Variants in ASF1A observed in about 807,000 individuals in gnomAD.
ASF1A encodes the protein histone chaperone ASF1A.
In ASF1A, 5 loss-of-function variants were observed where a neutral mutation model predicts 22.0. That is an observed-to-expected ratio of 0.23 (90% CI 0.12 to 0.48). The LOEUF is 0.48. Among genes scored for constraint, ASF1A ranks in the 20% least tolerant of loss-of-function variants. ASF1A has a pLI of 0.99. For missense variants in ASF1A, 137 were observed against 240.6 expected (o/e 0.57, Z 2.85); for synonymous variants, 97 against 86.7 (o/e 1.12, Z -0.66).
chr6:118,895,270 G>A (rs1258320321), intron 1 of ASF1A, among the ~76,000 whole-genome samples: 2 of 152,018 alleles, frequency 1.3e-5, no homozygotes, highest in African/African-American at 4.8e-5. Context: ...GCCGGCGCCC[G>A]GGATGCGCCG....
At chr6:118,903,850 G>C (rs975468675) in intron 2 of ASF1A, among the ~76,000 whole-genome samples, 1 of 152,128 alleles carries the variant, frequency 6.6e-6, no homozygotes, top group African/African-American at 2.4e-5. Flanking sequence ...GCCTCCCAAA[G>C]TGCTAGGATT....
At chr6:118,894,637 G>T (rs36193145) in intron 1 of ASF1A, 115 bp downstream of exon 1, 203,911 of 902,806 alleles carry the variant, frequency 0.23, 25,587 homozygotes, top group Non-Finnish European at 0.26. Context: ...GCCGCGGGCT[G>T]CTCTGCGGAG....
chr6:118,898,468 A>G (rs1008958741), intron 1 of ASF1A, among the ~76,000 whole-genome samples: 2 of 146,148 alleles, frequency 1.4e-5, no homozygotes, highest in Non-Finnish European at 3.0e-5. Flanking sequence ...TCCATTGCCC[A>G]GGCTGGAGTG....
At chr6:118,904,488 A>G (rs1378580370) in intron 2 of ASF1A, among the ~76,000 whole-genome samples, 1 of 152,210 alleles carries the variant, frequency 6.6e-6, no homozygotes, top group African/African-American at 2.4e-5. Flanking sequence ...TGGCTGCCTC[A>G]GATGCCTCAG....
intron 1 of ASF1A, among the ~76,000 whole-genome samples, chr6:118,898,652 A>G (rs980101040): frequency 3.3e-5 from 5 of 152,148 alleles, no homozygotes; most frequent in African/African-American, 1.2e-4. Context: ...TCCTGACCTC[A>G]AGCCATCCAG....
At chr6:118,903,552 G>C (rs1458328821) in intron 2 of ASF1A, among the ~76,000 whole-genome samples, 2 of 152,106 alleles carry the variant, frequency 1.3e-5, no homozygotes, top group Non-Finnish European at 2.9e-5. Context: ...TACGTTCTTA[G>C]ATAATTTGTG....
At chr6:118,905,555 C>T in intron 2 of ASF1A, 97 bp from the exon 3 acceptor site, 1 of 919,222 alleles carries the variant, frequency 1.1e-6, no homozygotes, top group Non-Finnish European at 1.6e-6. Flanking sequence ...CTTGTTGCAT[C>T]CTCAACTGAT....
chr6:118,899,911 T>TTTGTA lies in ASF1A; in HGVS notation c.110-852_110-848dup, dbSNP rs1160673340. On this transcript the variant is annotated intron_variant, in intron 1 of 3. Transcript: ENST00000229595. ...AGATGAAGAGGTCTCTCAGAGATGGTTTGTATTACAAAGTTATCTTCTTCC... is the reference window on the plus strand; with the variant it reads ...AGATGAAGAGGTCTCTCAGAGATGGTTTGTATTGTATTACAAAGTTATCTTCTTCC... Among the ~76,000 whole-genome samples, 5 of 152,292 alleles carry TTTGTA rather than the reference T, an allele frequency of 3.3e-5. No homozygotes were observed. In the East Asian group the frequency reaches 9.7e-4, roughly 29 times the overall value.
Position 118,905,677 on chromosome 6 carries a change from T to C in ASF1A, c.251T>C (p.Ile84Thr). 2 of 1,613,122 alleles carry C rather than the reference T, an allele frequency of 1.2e-6. No homozygotes were observed. Among genetic ancestry groups the C allele is most frequent in the Non-Finnish European group, 8.5e-7 (1 of 1,179,444 alleles). The change falls in exon 3 of 4, where the codon ATT (isoleucine) becomes ACT (threonine). Residue 84 changes from isoleucine (I) to threonine (T), a missense_variant. Physicochemically the swap from Ile to Thr is moderately conservative, Grantham distance 89. Transcript: ENST00000229595. ...GCTGATGCACCTAATCCAGGACTCA[T>C]TCCAGATGCAGATGCAGTAGGCGTA... is the stretch of plus-strand genomic sequence containing the variant. ...FQADAPNPGLIPDADAVGVTV... is the reference protein window; with the variant it reads ...FQADAPNPGLTPDADAVGVTV...
At chr6:118,905,949 A>AT in intron 3 of ASF1A, 121 bp downstream of exon 3, 1 of 685,550 alleles carries the variant, frequency 1.5e-6, no homozygotes, top group Non-Finnish European at 2.3e-6. Flanking sequence ...TGAGGTCCTT[A>AT]TGCCAACTGG....
rs1306187303 is a variant in ASF1A, at chr6:118,908,859, T to C, written c.*1245T>C. ...GCAGTGCCTTCATATCTAAAACTTTTATACTGCACTTTTTAAAGCTTTTAT... is the reference window on the plus strand; with the variant it reads ...GCAGTGCCTTCATATCTAAAACTTTCATACTGCACTTTTTAAAGCTTTTAT... On this transcript the variant is annotated 3_prime_UTR_variant, in exon 4 of 4. Transcript: ENST00000229595. 6.6e-6 allele frequency: 1 copy of C among 152,632 alleles called. No individual in the cohort carries two copies. Among genetic ancestry groups the C allele is most frequent in the Non-Finnish European group, 1.5e-5 (1 of 68,018 alleles). 9.5% of individuals were successfully genotyped at this position (152,632 alleles called of 1,614,324 possible).
chr6:118,900,406 T>C (rs558683291), intron 1 of ASF1A, among the ~76,000 whole-genome samples: 13 of 152,348 alleles, frequency 8.5e-5, no homozygotes, highest in African/African-American at 2.9e-4. Flanking sequence ...TGGGAAGTGC[T>C]GGATTAATGT....
intron 1 of ASF1A, 88 bp downstream of exon 1, chr6:118,894,610 G>C: frequency 8.5e-7 from 1 of 1,178,994 alleles, no homozygotes; most frequent in South Asian, 1.3e-5. Flanking sequence ...CTGGGCGGCT[G>C]TGTTCGGCGC....
chr6:118,894,994 A>T (rs564561130), intron 1 of ASF1A, among the ~76,000 whole-genome samples: 2 of 152,138 alleles, frequency 1.3e-5, no homozygotes, highest in Admixed American at 6.5e-5. Flanking sequence ...ACCCCGGCGC[A>T]CGGCGCCTCC....
In ASF1A at chr6:118,905,799, A is replaced by G. The variant is rs1013927996; in HGVS notation, c.373A>G (p.Asn125Asp). The G allele has an allele frequency of 6.2e-7, 1 of 1,608,032 alleles. No homozygotes were observed. The highest frequency in any genetic ancestry group is 8.5e-7 in the Non-Finnish European group (1 of 1,176,218). The change falls in exon 3 of 4, where the codon AAT (asparagine) becomes GAT (aspartate). Residue 125 changes from asparagine (N) to aspartate (D), a missense_variant. Physicochemically the swap from Asn to Asp is conservative, Grantham distance 23. Around this residue, in one of 2 missense-constraint regions of ASF1A, gnomAD observed 96 missense variants for 196.7 expected, o/e 0.49. Transcript: ENST00000229595. ...NEYTETELRE[N>D]PPVKPDFSKL... ...ATATACTGAGACAGAATTAAGGGAA[A>G]ATCCACCAGTAAAACCAGACTTTTC...
intron 1 of ASF1A, among the ~76,000 whole-genome samples, chr6:118,895,077 G>C (rs1327664629): frequency 6.6e-6 from 1 of 152,114 alleles, no homozygotes. Context: ...TGGAGTCGCC[G>C]CACTCTCCGG....
intron 2 of ASF1A, among the ~76,000 whole-genome samples, chr6:118,901,947 TCTCTAGAG>T (rs1157127658): frequency 1.3e-5 from 2 of 152,144 alleles, no homozygotes; most frequent in East Asian, 3.9e-4. Context: ...ACACATGCCA[TCTCTAGAG>T]CTGCTACCTT....
intron 3 of ASF1A, among the ~76,000 whole-genome samples, chr6:118,906,622 G>A (rs1445010715): frequency 1.3e-5 from 2 of 152,138 alleles, no homozygotes; most frequent in Non-Finnish European, 2.9e-5. Flanking sequence ...ATTCTTAGAA[G>A]TTAAACTAAC....
At position 118,903,877 on chromosome 6, in the gene ASF1A, G is replaced by C. The variant is rs182136619; in HGVS notation, c.226-1775G>C. 1.3e-4 allele frequency among the ~76,000 whole-genome samples: 20 copies of C among 152,228 alleles called. No homozygotes were observed. In the East Asian group the frequency reaches 3.7e-3, roughly 28 times the overall value. On this transcript the variant is annotated intron_variant, in intron 2 of 3. Coordinates refer to ENST00000229595, the MANE Select transcript of ASF1A (RefSeq NM_014034.3). Reference sequence around the variant, plus strand: ...GCTAGGATTACAGGCGTGAGCCACCGTGCTCAGAGCGTGAAAAGATTATCA... The same window carrying C: ...GCTAGGATTACAGGCGTGAGCCACCCTGCTCAGAGCGTGAAAAGATTATCA...
Sources: gnomAD v4.1 joint callset for allele counts (sites outside exome capture counted in the v4.1 genomes callset) on GRCh38, gnomAD v4.1.1 for gene constraint, gnomAD v4.1.1 regional missense constraint, MANE v1.5 for transcripts, NCBI Gene and HGNC (gene_info 2026-07-23, HGNC 2026-07-21) for gene names.